The following ADA2 variants were observed in gnomAD, a reference collection of about 807,000 sequenced individuals.
ADA2 encodes the protein adenosine deaminase 2, also known as adenosine deaminase CECR1.
A neutral mutation model predicts 44.2 loss-of-function variants in ADA2; 29 were observed. That is an observed-to-expected ratio of 0.66 (90% confidence interval 0.49 to 0.89). ADA2 has a LOEUF of 0.89. Ranked by LOEUF, ADA2 falls within the 40% of genes least tolerant of loss-of-function variation. The probability of loss-of-function intolerance (pLI) is 0.00; values close to 1 mark genes in which losing one functional copy is unlikely to be tolerated. For synonymous variants in ADA2, 215 were observed against 234.9 expected, an observed-to-expected ratio of 0.92 and a Z score of 0.77; for missense variants, 637 against 644.8, an observed-to-expected ratio of 0.99 and a Z score of 0.13.
chr22:17,182,640 C>T lies in ADA2; in HGVS notation c.1203G>A (p.Lys401=), dbSNP rs960845017. 3 of 1,614,026 alleles carry T rather than the reference C, an allele frequency of 1.9e-6. No individual in the cohort carries two copies. In the African/African-American group the frequency reaches 4.0e-5, roughly 22 times the overall value. ...TGGGACAGACTTCTATGGGGATGTCCTTTTTCCAGGAGTAAGTCCTGACTG... is the reference window on the plus strand; with the variant it reads ...TGGGACAGACTTCTATGGGGATGTCTTTTTTCCAGGAGTAAGTCCTGACTG... ...HPAVRTYSWK[K]DIPIEVCPIS... Residue 401 remains lysine (K), a synonymous_variant, in exon 8 of 10, where the codon AAG becomes AAA. Coordinates refer to ENST00000399837, the MANE Select transcript of ADA2 (RefSeq NM_001282225.2).
chr22:17,191,774 A>G lies in ADA2; in HGVS notation c.790T>C (p.Trp264Arg), dbSNP rs1298019339. Residue 264 changes from tryptophan to arginine, a missense_variant, in exon 5 of 10, where the codon TGG becomes CGG. Trp to Arg is a moderately radical substitution (Grantham distance 101). Coordinates refer to ENST00000399837, the MANE Select transcript of ADA2 (RefSeq NM_001282225.2). ...ELSGEHHDEEWSVKTYQEVAQ... is the reference protein window; with the variant it reads ...ELSGEHHDEERSVKTYQEVAQ... ...ACTTCCTGGTAAGTCTTCACTGACC[A>G]CTCTTCGTCATGGTGCTCTCCACTG... The G allele has an allele frequency of 6.2e-7, 1 of 1,613,472 alleles. No homozygotes were observed. The highest frequency in any genetic ancestry group is 2.2e-5 in the East Asian group (1 of 44,844).
At chr22:17,216,379 A>G (rs2062471390) in intron 1 of ADA2, among the ~76,000 whole-genome samples, 1 of 142,704 alleles carries the variant, frequency 7.0e-6, no homozygotes, top group African/African-American at 3.0e-5. Flanking sequence ...ACTCCCAGGA[A>G]AAAAAAAAAC....
chr22:17,184,244 G>C (rs1382717248), intron 7 of ADA2, among the ~76,000 whole-genome samples: 1 of 151,570 alleles, frequency 6.6e-6, no homozygotes, highest in Non-Finnish European at 1.5e-5. Context: ...GATTACAGGC[G>C]TGAGCCACCA....
chr22:17,198,258 A>G (rs1375870733), intron 4 of ADA2, among the ~76,000 whole-genome samples: 1 of 152,066 alleles, frequency 6.6e-6, no homozygotes, highest in East Asian at 1.9e-4. Context: ...CCTGTGTCCC[A>G]CCCCAGAGCA....
chr22:17,203,448 C>A, intron 4 of ADA2, 115 bp downstream of exon 4: 1 of 800,416 alleles, frequency 1.2e-6, no homozygotes, highest in Non-Finnish European at 2.1e-6. Context: ...CACATGATCC[C>A]TTGCACCAGA....
chr22:17,209,760 T>G, intron 1 of ADA2, 37 bp from the exon 2 acceptor site: 1 of 1,068,238 alleles, frequency 9.4e-7, no homozygotes. Context: ...ACCTACAGAT[T>G]TAAGGGTGGA....
intron 4 of ADA2, among the ~76,000 whole-genome samples, chr22:17,194,599 G>C (rs1389358781): frequency 1.3e-5 from 2 of 152,036 alleles, no homozygotes; most frequent in Non-Finnish European, 2.9e-5. Flanking sequence ...AGCCTGGCAC[G>C]TCACACAGCC....
At chr22:17,197,156 G>A (rs939680643) in intron 4 of ADA2, among the ~76,000 whole-genome samples, 2 of 152,174 alleles carry the variant, frequency 1.3e-5, no homozygotes, top group African/African-American at 4.8e-5. Flanking sequence ...CTGGACGACA[G>A]ATTGGTTCAT....
chr22:17,221,758 G>A (rs1386538186), upstream of ADA2: 1 of 152,108 alleles, frequency 6.6e-6, no homozygotes, highest in African/African-American at 2.4e-5. Context: ...GTGAATCAGA[G>A]CCCAGTTAGA....
In ADA2 at chr22:17,209,568, A is replaced by G. The variant is rs1371136370; in HGVS notation, c.110T>C (p.Leu37Pro). 2 of 1,614,014 alleles carry G rather than the reference A, an allele frequency of 1.2e-6. No individual in the cohort carries two copies. Among genetic ancestry groups the G allele is most frequent in the Admixed American group, 1.7e-5 (1 of 59,968 alleles). ...ALSIDETRAH[L>P]LLKEKMMRLG... The stretch of plus-strand genomic sequence containing the variant: ...CCGCATCATCTTTTCTTTCAACAAC[A>G]GATGCGCCCGTGTTTCATCTATGGA... Residue 37 changes from leucine to proline, a missense_variant, in exon 2 of 10, where the codon CTG becomes CCG. Coordinates refer to ENST00000399837, the MANE Select transcript of ADA2 (RefSeq NM_001282225.2).
intron 8 of ADA2, 123 bp from the exon 9 acceptor site, chr22:17,182,145 G>T: frequency 2.7e-6 from 2 of 742,636 alleles, no homozygotes; most frequent in Non-Finnish European, 4.4e-6. Context: ...TCCCCAGTAT[G>T]GGGATGACTT....
intron 1 of ADA2, among the ~76,000 whole-genome samples, chr22:17,218,800 G>T (rs1385023812): frequency 6.6e-6 from 1 of 152,148 alleles, no homozygotes; most frequent in Non-Finnish European, 1.5e-5. Flanking sequence ...TCCTCCACAA[G>T]ATTTTCCTTT....
Position 17,203,645 on chromosome 22 carries a change from A to T in ADA2, c.671T>A (p.Phe224Tyr). 6.2e-7 allele frequency: 1 copy of T among 1,614,092 alleles called. No individual in the cohort carries two copies. The highest frequency in any genetic ancestry group is 1.1e-5 in the South Asian group (1 of 91,080). ...ISGLIHYAPV[F>Y]RDYVFRSMQE... Reference sequence around the variant, plus strand: ...CATGCTCCGGAAGACATAGTCTCTGAACACTGGTGCGTAATGGATGAGACC... The same window carrying T: ...CATGCTCCGGAAGACATAGTCTCTGTACACTGGTGCGTAATGGATGAGACC... The change falls in exon 4 of 10, where the codon TTC becomes TAC. Residue 224 changes from phenylalanine (F) to tyrosine (Y), a missense_variant. Transcript: ENST00000399837.
chr22:17,213,975 G>A (rs1280898959), intron 1 of ADA2: 5 of 334,008 alleles, frequency 1.5e-5, no homozygotes, highest in Admixed American at 4.2e-5. Context: ...GTAGGGAGAG[G>A]TTGCAGTGAG....
intron 7 of ADA2, among the ~76,000 whole-genome samples, chr22:17,184,619 G>T (rs551092037): frequency 7.2e-5 from 11 of 152,060 alleles, no homozygotes; most frequent in African/African-American, 2.2e-4. Context: ...GCATTCTAAT[G>T]GATTCACATA....
In ADA2 at chr22:17,213,695, C is replaced by T. The variant is rs374764985; in HGVS notation, c.-46-3972G>A. The T allele has an allele frequency of 3.3e-5, 8 of 244,176 alleles. No individual in the cohort carries two copies. In the East Asian group the frequency reaches 5.9e-4, roughly 18 times the overall value. 15.1% of individuals were successfully genotyped at this position (244,176 alleles called of 1,614,324 possible). A position where few individuals can be genotyped will look rare whatever the true frequency, so the allele number is the denominator to read the frequency against. On this transcript the variant is annotated intron_variant, in intron 1 of 9. Transcript: ENST00000399837. ...GCCTGGACAAGTGGACCCCGGCCCGCGCAGCCTTTGAGAAAATGCAGGAGA... is the reference window on the plus strand; with the variant it reads ...GCCTGGACAAGTGGACCCCGGCCCGTGCAGCCTTTGAGAAAATGCAGGAGA...
chr22:17,193,075 G>T, intron 4 of ADA2: 1 of 907,982 alleles, frequency 1.1e-6, no homozygotes, highest in Non-Finnish European at 1.7e-6. Flanking sequence ...ATGCCCAACA[G>T]TGGTTATGGG....
At chr22:17,188,868 A>AAAAAAAAAAAAAAAAAAAAAAATAT in intron 6 of ADA2, 18 of 81,168 alleles carry the variant, frequency 2.2e-4, no homozygotes, top group African/African-American at 7.1e-4. Context: ...AAGAGCAAAA[A>AAAAAAAAAAAAAAAAAAAAAAATAT]ATATATATAT....
At position 17,187,513 on chromosome 22, in the gene ADA2, C is replaced by G. The variant is rs564677760; in HGVS notation, c.1081+826G>C. 3.9e-5 allele frequency among the ~76,000 whole-genome samples: 6 copies of G among 152,078 alleles called. No homozygotes were observed. The East Asian group carries it at 1.2e-3, about 29-fold the overall frequency. ...CCATGTTGCCCTGGCTGGCCTCAAA[C>G]TCCTGGGTTTAAAGAGATCCACCCA... is the stretch of plus-strand genomic sequence containing the variant. On this transcript the variant is annotated intron_variant, in intron 7 of 9. Transcript: ENST00000399837.
Sources: gnomAD v4.1 joint callset for allele counts (sites outside exome capture counted in the v4.1 genomes callset) on GRCh38, gnomAD v4.1.1 for gene constraint, MANE v1.5 for transcripts, NCBI Gene and HGNC (gene_info 2026-07-23, HGNC 2026-07-21) for gene names.